The following PRR16 variants were observed in gnomAD, a reference collection of about 807,000 sequenced individuals.
The protein encoded by PRR16 is proline rich 16.
A neutral mutation model predicts 18.2 loss-of-function variants in PRR16; 6 were observed. The ratio of observed to expected loss-of-function variants is 0.33; its 90% CI spans 0.18 to 0.65. PRR16 has a LOEUF of 0.65. PRR16 is among the 30% of genes least tolerant of loss of function. The probability of loss-of-function intolerance (pLI) is 0.74; values close to 1 mark genes in which losing one functional copy is unlikely to be tolerated. For synonymous variants in PRR16, 151 were observed against 147.8 expected (o/e 1.02, Z -0.16); for missense variants, 412 against 376.6 (o/e 1.09, Z -0.78).
At chr5:120,630,884 C>G (rs1025716966) in intron 1 of PRR16, among the ~76,000 whole-genome samples, 2 of 152,082 alleles carry the variant, frequency 1.3e-5, no homozygotes, top group Non-Finnish European at 2.9e-5. Context: ...AATCTAGATA[C>G]GCATTTTGAG....
At chr5:120,730,895 G>C in the PRR16 span, among the ~76,000 whole-genome samples, 1 of 151,990 alleles carries the variant, frequency 6.6e-6, no homozygotes, top group East Asian at 1.9e-4. Flanking sequence ...AGAATCTTTT[G>C]CTCTTTTTAT....
Position 120,535,016 on chromosome 5 carries a change from T to C in PRR16, c.159+70371T>C, listed in dbSNP as rs199589212. ...GAGTAACATACATGCATCTAAATAA[T>C]GTAATGAACCAGATTGTAAGGGATA... On this transcript the variant is annotated intron_variant, in intron 1 of 1. Coordinates refer to ENST00000407149, the MANE Select transcript of PRR16 (RefSeq NM_001300783.2). Among the ~76,000 whole-genome samples, 35 of 152,238 alleles carry C rather than the reference T, an allele frequency of 2.3e-4. No homozygotes were observed. In the East Asian group the frequency reaches 6.8e-3, roughly 29 times the overall value.
intron 1 of PRR16, among the ~76,000 whole-genome samples, chr5:120,655,481 C>T (rs1468356764): frequency 6.7e-6 from 1 of 149,900 alleles, no homozygotes; most frequent in Non-Finnish European, 1.5e-5. Flanking sequence ...TATATAGAAG[C>T]ATTTGTACAA....
At chr5:120,737,206 A>G in the PRR16 span, among the ~76,000 whole-genome samples, 1 of 151,866 alleles carries the variant, frequency 6.6e-6, no homozygotes, top group Non-Finnish European at 1.5e-5. Flanking sequence ...TGATTGGGAG[A>G]AACTTTCAGT....
At chr5:120,565,372 G>A (rs905969785) in intron 1 of PRR16, among the ~76,000 whole-genome samples, 11 of 152,166 alleles carry the variant, frequency 7.2e-5, no homozygotes, top group Admixed American at 2.0e-4. Flanking sequence ...TGGTAAGTTG[G>A]TGTAGTTACA....
intron 1 of PRR16, among the ~76,000 whole-genome samples, chr5:120,496,080 C>G (rs1167386066): frequency 2.6e-5 from 4 of 151,652 alleles, no homozygotes; most frequent in South Asian, 2.1e-4. Context: ...TGTGATTTTT[C>G]TTCTTTAGCT....
At chr5:120,604,649 G>C (rs1407776019) in intron 1 of PRR16, among the ~76,000 whole-genome samples, 3 of 152,008 alleles carry the variant, frequency 2.0e-5, no homozygotes, top group East Asian at 3.9e-4. Flanking sequence ...TGTCAGTGGG[G>C]TATGTACTTA....
intron 1 of PRR16, among the ~76,000 whole-genome samples, chr5:120,635,066 G>T (rs1755183020): frequency 1.3e-5 from 2 of 152,048 alleles, no homozygotes; most frequent in South Asian, 2.1e-4. Flanking sequence ...ATTAAACCAG[G>T]AAGTTATAGA....
intron 1 of PRR16, among the ~76,000 whole-genome samples, chr5:120,622,622 G>T (rs1003054873): frequency 6.6e-6 from 1 of 152,004 alleles, no homozygotes; most frequent in Admixed American, 6.6e-5. Context: ...GGGACTACAG[G>T]CATGCGCCAC....
chr5:120,583,212 G>C (rs1223626900), intron 1 of PRR16, among the ~76,000 whole-genome samples: 1 of 152,190 alleles, frequency 6.6e-6, no homozygotes, highest in African/African-American at 2.4e-5. Context: ...CGTATTGGTA[G>C]AGGCAGTTAC....
At chr5:120,589,997 A>C (rs6881097) in intron 1 of PRR16, among the ~76,000 whole-genome samples, 21 of 151,970 alleles carry the variant, frequency 1.4e-4, no homozygotes, top group African/African-American at 4.6e-4. Context: ...CCCTACTCAA[A>C]AGATTTCTAT....
intron 1 of PRR16, among the ~76,000 whole-genome samples, chr5:120,596,135 CTT>C (rs200622633): frequency 0.015 from 968 of 66,738 alleles, 15 homozygotes; most frequent in African/African-American, 0.06. Flanking sequence ...TTTTTTATCT[CTT>C]GTCTTTTTTT....
chr5:120,561,045 A>C (rs1752558279), intron 1 of PRR16, among the ~76,000 whole-genome samples: 1 of 151,346 alleles, frequency 6.6e-6, no homozygotes, highest in Non-Finnish European at 1.5e-5. Flanking sequence ...AAGGTTTGTA[A>C]ATTTTATCTT....
chr5:120,744,325 C>T, the PRR16 span, among the ~76,000 whole-genome samples: 5 of 152,270 alleles, frequency 3.3e-5, no homozygotes, highest in Non-Finnish European at 7.3e-5. Flanking sequence ...AGAAAAGGGA[C>T]CCTTTACGTT....
At chr5:120,750,432 G>T in the PRR16 span, among the ~76,000 whole-genome samples, 1 of 152,034 alleles carries the variant, frequency 6.6e-6, no homozygotes, top group African/African-American at 2.4e-5. Flanking sequence ...GCCGAGGCAG[G>T]TGGATCACCT....
chr5:120,482,328 T>G (rs994937146), intron 1 of PRR16, among the ~76,000 whole-genome samples: 1 of 152,174 alleles, frequency 6.6e-6, no homozygotes. Context: ...GCTGTCTTCA[T>G]GTTCTTGAGT....
intron 1 of PRR16, among the ~76,000 whole-genome samples, chr5:120,529,210 G>T (rs1751466329): frequency 6.6e-6 from 1 of 151,978 alleles, no homozygotes; most frequent in Non-Finnish European, 1.5e-5. Flanking sequence ...TGATATACTT[G>T]GGTTATAAAG....
intron 1 of PRR16, among the ~76,000 whole-genome samples, chr5:120,489,958 T>C (rs1380039743): frequency 6.6e-6 from 1 of 152,236 alleles, no homozygotes; most frequent in African/African-American, 2.4e-5. Flanking sequence ...ATTCTTTTCT[T>C]TAAGAATGTT....
intron 1 of PRR16, among the ~76,000 whole-genome samples, chr5:120,667,977 G>A (rs893970365): frequency 3.3e-5 from 5 of 152,048 alleles, no homozygotes; most frequent in African/African-American, 4.8e-5. Flanking sequence ...GGTCTGCTTG[G>A]TGCAGAGCTG....
Sources: allele counts gnomAD v4.1 joint callset (sites outside exome capture counted in the v4.1 genomes callset), GRCh38; gene constraint gnomAD v4.1.1; transcripts MANE v1.5; gene names NCBI Gene and HGNC (gene_info 2026-07-23, HGNC 2026-07-21).